The following CORO1C variants were observed in gnomAD, a reference collection of about 807,000 sequenced individuals.
CORO1C encodes coronin-1C.
A neutral mutation model predicts 51.2 loss-of-function variants in CORO1C; 14 were observed. The observed-to-expected ratio is 0.27, with a 90% CI of 0.18 to 0.43. CORO1C has a LOEUF of 0.43. CORO1C is among the 20% of genes least tolerant of loss of function. CORO1C has a pLI of 1.00. For missense variants in CORO1C, 417 were observed against 607.8 expected (o/e 0.69, Z 3.30); for synonymous variants, 181 against 210.5 (o/e 0.86, Z 1.21).
chr12:108,648,624 G>A lies in CORO1C; in HGVS notation c.1286C>T (p.Thr429Ile). 1 of 1,614,192 alleles carries A rather than the reference G, an allele frequency of 6.2e-7. No homozygotes were observed. The highest frequency in any genetic ancestry group is 8.5e-7 in the Non-Finnish European group (1 of 1,180,036). The change falls in exon 10 of 11, where the codon ACC becomes ATC. Residue 429 changes from threonine (T) to isoleucine (I), a missense_variant. Transcript: ENST00000261401. ...KCDLISIPKKTTDTASVQNEA... is the reference protein window; with the variant it reads ...KCDLISIPKKITDTASVQNEA... ...CCTCACCACACTGGCCGTGTCTGTGGTTTTCTTGGGGATGCTGATCAGGTC... is the reference window on the plus strand; with the variant it reads ...CCTCACCACACTGGCCGTGTCTGTGATTTTCTTGGGGATGCTGATCAGGTC...
At chr12:108,691,457 T>G (rs921341095) in intron 2 of CORO1C, among the ~76,000 whole-genome samples, 17 of 152,212 alleles carry the variant, frequency 1.1e-4, no homozygotes, top group Non-Finnish European at 2.1e-4. Flanking sequence ...ATACAGCAGC[T>G]TTCCCAGACT....
intron 1 of CORO1C, among the ~76,000 whole-genome samples, chr12:108,718,923 C>T (rs1347176180): frequency 6.6e-6 from 1 of 152,168 alleles, no homozygotes; most frequent in Non-Finnish European, 1.5e-5. Flanking sequence ...AAACAGCACA[C>T]ATTCAATTTC....
At chr12:108,714,972 T>A (rs2035287074) in intron 1 of CORO1C, among the ~76,000 whole-genome samples, 1 of 152,244 alleles carries the variant, frequency 6.6e-6, no homozygotes, top group Non-Finnish European at 1.5e-5. Flanking sequence ...TTGCAGAGCG[T>A]AATGTGACGC....
intron 6 of CORO1C, 92 bp downstream of exon 6, chr12:108,657,204 TACACTAAG>T: frequency 6.8e-7 from 1 of 1,465,958 alleles, no homozygotes; most frequent in Non-Finnish European, 9.1e-7. Flanking sequence ...TTTAGAAAAC[TACACTAAG>T]AATCCCATAA....
chr12:108,729,967 C>T (rs2035679634), intron 1 of CORO1C, among the ~76,000 whole-genome samples: 1 of 152,148 alleles, frequency 6.6e-6, no homozygotes, highest in African/African-American at 2.4e-5. Flanking sequence ...AAGAGCCCTA[C>T]AAGTACTGTT....
chr12:108,704,578 GT>G (rs1204168794), intron 1 of CORO1C, among the ~76,000 whole-genome samples: 2 of 152,218 alleles, frequency 1.3e-5, no homozygotes, highest in Non-Finnish European at 2.9e-5. Flanking sequence ...AGAGTAGAAT[GT>G]TAGCTACAGG....
At chr12:108,727,542 G>A (rs894801089) in intron 1 of CORO1C, among the ~76,000 whole-genome samples, 1 of 152,216 alleles carries the variant, frequency 6.6e-6, no homozygotes, top group African/African-American at 2.4e-5. Flanking sequence ...GGGTAAAGGT[G>A]AGGTCACCAG....
intron 2 of CORO1C, chr12:108,700,805 T>C (rs955625458): frequency 8.5e-6 from 2 of 234,766 alleles, no homozygotes; most frequent in African/African-American, 2.3e-5. Context: ...AACTGCACTC[T>C]AAAAGAAAAA....
intron 6 of CORO1C, among the ~76,000 whole-genome samples, chr12:108,656,096 C>CCGCCCGGCAGCCGCCCCA (rs2032969202): frequency 6.7e-6 from 1 of 150,086 alleles, no homozygotes; most frequent in African/African-American, 2.5e-5. Context: ...AGGAGCCCCT[C>CCGCCCGGCAGCCGCCCCA]TGCCCGGCAG....
At chr12:108,671,952 G>A (rs1028277031) in intron 3 of CORO1C, among the ~76,000 whole-genome samples, 27 of 152,072 alleles carry the variant, frequency 1.8e-4, no homozygotes, top group Admixed American at 1.2e-3. Flanking sequence ...TTGTAGACAC[G>A]GGGTTTCACC....
intron 1 of CORO1C, among the ~76,000 whole-genome samples, chr12:108,712,775 G>A (rs954902597): frequency 1.3e-5 from 2 of 151,230 alleles, no homozygotes; most frequent in African/African-American, 4.9e-5. Context: ...TAAGGCCAGG[G>A]GTTCAAGACC....
chr12:108,671,253 T>C (rs1329400550), intron 3 of CORO1C, among the ~76,000 whole-genome samples: 1 of 151,830 alleles, frequency 6.6e-6, no homozygotes, highest in Non-Finnish European at 1.5e-5. Context: ...GGAGGATTGC[T>C]TGGGCCCAGG....
At position 108,697,169 on chromosome 12, in the gene CORO1C, T is replaced by C. The variant is rs1280850020; in HGVS notation, c.195+3955A>G. ...ATTTACTGCTGACACTAAATAGCTT[T>C]CAAAAGAAATTCATGGAAAACCATG... On this transcript the variant is annotated intron_variant, in intron 2 of 10. Coordinates refer to ENST00000261401, the MANE Select transcript of CORO1C (RefSeq NM_014325.4). Among the ~76,000 whole-genome samples, 5 of 152,320 alleles carry C rather than the reference T, an allele frequency of 3.3e-5. 1 individual carries two copies. The South Asian group carries it at 8.3e-4, about 25-fold the overall frequency.
intron 1 of CORO1C, chr12:108,701,944 C>T (rs899804527): frequency 8.9e-5 from 14 of 157,256 alleles, no homozygotes; most frequent in African/African-American, 2.6e-4. Context: ...CTAACACAGA[C>T]GTAATAATCA....
chr12:108,716,796 T>C (rs757214815), intron 1 of CORO1C, among the ~76,000 whole-genome samples: 1 of 152,208 alleles, frequency 6.6e-6, no homozygotes, highest in African/African-American at 2.4e-5. Flanking sequence ...GCAAACCACA[T>C]TACTTACTAA....
At position 108,701,312 on chromosome 12, in the gene CORO1C, G is replaced by A; in HGVS notation, c.7C>T (p.Arg3Ter). 2.5e-6 allele frequency: 4 copies of A among 1,614,134 alleles called. No individual in the cohort carries two copies. The highest frequency in any genetic ancestry group is 3.4e-6 in the Non-Finnish European group (4 of 1,180,010). Residue 3 changes from arginine (R) to a stop codon, truncating the protein, a stop_gained, in exon 2 of 11, where the codon CGA becomes TGA. Coordinates refer to ENST00000261401, the MANE Select transcript of CORO1C (RefSeq NM_014325.4). LOFTEE classifies it high-confidence loss of function. ...CGAAACTTGCTCTGTCGTACCACTCGCCTCATCGTGTCTGCAAAGGAAGAG... is the reference window on the plus strand; with the variant it reads ...CGAAACTTGCTCTGTCGTACCACTCACCTCATCGTGTCTGCAAAGGAAGAG... MR[R>*]VVRQSKFRHV...
At position 108,678,408 on chromosome 12, in the gene CORO1C, GAAAC is replaced by G. The variant is rs775954211; in HGVS notation, c.196-18_196-15del. Reference sequence around the variant, plus strand: ...AATTCGACCAGTCTGAAAGAAGAGAGAAACAAACCTATTATGTAATATCAACACC... The same window carrying G: ...AATTCGACCAGTCTGAAAGAAGAGAGAAACCTATTATGTAATATCAACACC... On this transcript the variant is annotated splice_polypyrimidine_tract_variant and intron_variant, in intron 2 of 10. Coordinates refer to ENST00000261401, the MANE Select transcript of CORO1C (RefSeq NM_014325.4). 3.2e-6 allele frequency: 5 copies of G among 1,559,132 alleles called. No homozygotes were observed. Among genetic ancestry groups the G allele is most frequent in the Non-Finnish European group, 3.5e-6 (4 of 1,149,526 alleles).
At chr12:108,683,680 G>A (rs1268796733) in intron 2 of CORO1C, among the ~76,000 whole-genome samples, 2 of 151,964 alleles carry the variant, frequency 1.3e-5, no homozygotes, top group Admixed American at 1.3e-4. Context: ...AGATTTTCAA[G>A]AATAAATAAA....
intron 3 of CORO1C, among the ~76,000 whole-genome samples, chr12:108,668,106 A>AG (rs1297672413): frequency 2.0e-5 from 3 of 152,220 alleles, no homozygotes; most frequent in Non-Finnish European, 4.4e-5. Flanking sequence ...TAAGGAAACC[A>AG]ATTCCAAATG....
Sources: gnomAD v4.1 joint callset for allele counts (sites outside exome capture counted in the v4.1 genomes callset) on GRCh38, gnomAD v4.1.1 for gene constraint, MANE v1.5 for transcripts, NCBI Gene and HGNC (gene_info 2026-07-23, HGNC 2026-07-21) for gene names.